ITPRID1: variants seen among roughly 807,000 people sequenced by gnomAD.
ITPRID1 encodes the protein ITPR interacting domain containing 1, also known as protein ITPRID1.
ITPRID1 carries 96 observed loss-of-function variants against 95.4 expected under a neutral mutation model. The ratio of observed to expected loss-of-function variants is 1.01; its 90% CI spans 0.85 to 1.19. The LOEUF (loss-of-function observed/expected upper bound fraction) is 1.19. ITPRID1 is among the 50% of genes most tolerant of loss of function. The pLI, the probability that ITPRID1 is intolerant of heterozygous loss-of-function variation, is 0.00. For synonymous variants in ITPRID1, 510 were observed against 453.6 expected, an observed-to-expected ratio of 1.12 and a Z score of -1.58; for missense variants, 1,339 against 1,252.9, an observed-to-expected ratio of 1.07 and a Z score of -1.04.
chr7:31,599,846 C>A (rs912553681), intron 10 of ITPRID1, among the ~76,000 whole-genome samples: 1 of 151,840 alleles, frequency 6.6e-6, no homozygotes, highest in Non-Finnish European at 1.5e-5. Context: ...CAGGCGCCTG[C>A]CACCACGCCC....
At chr7:31,521,792 G>C (rs1783269979) in intron 1 of ITPRID1, among the ~76,000 whole-genome samples, 1 of 145,592 alleles carries the variant, frequency 6.9e-6, no homozygotes, top group South Asian at 2.3e-4. Context: ...GGTGATCACA[G>C]CTCTCACTGC....
intron 10 of ITPRID1, among the ~76,000 whole-genome samples, chr7:31,593,924 G>C (rs575727382): frequency 6.6e-6 from 1 of 152,238 alleles, no homozygotes; most frequent in Non-Finnish European, 1.5e-5. Flanking sequence ...CTGAGACATA[G>C]AGTTGTTAAG....
chr7:31,624,663 A>G lies in ITPRID1; in HGVS notation c.1229-17513A>G, dbSNP rs552406504. On this transcript the variant is annotated intron_variant, in intron 10 of 14. Transcript: ENST00000615280. ...CTTAAACGTTAGACCTAAAACCATA[A>G]AAACCCTAGAAGAAAACCTAGGCAT... is the stretch of plus-strand genomic sequence containing the variant. Among the ~76,000 whole-genome samples, 298 of 150,630 alleles carry G rather than the reference A, an allele frequency of 2.0e-3. 1 individual carries two copies. The highest frequency in any genetic ancestry group is 6.9e-3 in the African/African-American group (283 of 41,178).
rs1332451516 is a variant in ITPRID1, at chr7:31,519,645, T to TATATATATATATAA, written c.-98+5526_-98+5527insTATATATATATAAA. ...CTATATATATATATATATATATATA[T>TATATATATATATAA]AAATCTTATGTTATCCTGCTGGTAT... On this transcript the variant is annotated intron_variant, in intron 1 of 14. Transcript: ENST00000615280. Among the ~76,000 whole-genome samples, 338 of 114,950 alleles carry TATATATATATATAA rather than the reference T, an allele frequency of 2.9e-3. 13 individuals are homozygous for TATATATATATATAA. The highest frequency in any genetic ancestry group is 8.0e-3 in the Admixed American group (78 of 9,694). The allele number at this position is 114,950 out of a possible 152,430, so 75.4% of individuals were successfully genotyped here.
At chr7:31,574,168 A>ATTT (rs34822604) in intron 7 of ITPRID1, among the ~76,000 whole-genome samples, 1 of 145,908 alleles carries the variant, frequency 6.9e-6, no homozygotes, top group African/African-American at 2.5e-5. Flanking sequence ...GTTTTGTGGG[A>ATTT]TTTTTTTTTT....
chr7:31,535,959 C>T (rs891407958), intron 1 of ITPRID1, among the ~76,000 whole-genome samples: 3 of 151,974 alleles, frequency 2.0e-5, no homozygotes, highest in East Asian at 1.9e-4. Context: ...TGGTGTGACT[C>T]AGTGTAGTGT....
chr7:31,615,190 C>G (rs1303402955), intron 10 of ITPRID1, among the ~76,000 whole-genome samples: 1 of 151,928 alleles, frequency 6.6e-6, no homozygotes, highest in Non-Finnish European at 1.5e-5. Context: ...AGATATTTTC[C>G]CATTTAGTCT....
intron 10 of ITPRID1, among the ~76,000 whole-genome samples, chr7:31,623,895 C>G (rs559798664): frequency 6.6e-6 from 1 of 151,836 alleles, no homozygotes; most frequent in East Asian, 1.9e-4. Context: ...CCAAAATCTC[C>G]TTAAGCTGAT....
intron 10 of ITPRID1, among the ~76,000 whole-genome samples, chr7:31,616,375 G>A (rs1396466807): frequency 6.6e-6 from 1 of 151,890 alleles, no homozygotes; most frequent in Non-Finnish European, 1.5e-5. Context: ...TTTTAAATGT[G>A]CAGGTCTTAG....
At chr7:31,583,278 C>T (rs1785472101) in intron 10 of ITPRID1, 87 bp downstream of exon 10, 2 of 867,322 alleles carry the variant, frequency 2.3e-6, no homozygotes, top group African/African-American at 1.7e-5. Flanking sequence ...ATGTACAGAG[C>T]TTAAATTATC....
chr7:31,578,186 C>G lies in ITPRID1; in HGVS notation c.922C>G (p.His308Asp). The G allele has an allele frequency of 6.2e-7, 1 of 1,613,726 alleles. No homozygotes were observed. The highest frequency in any genetic ancestry group is 1.7e-4 in the Middle Eastern group (1 of 6,060). ...AACCTCAATCAACCACAAGCAAAATCATTTGTCTCTGTCAGTAGAACATCA... is the reference window on the plus strand; with the variant it reads ...AACCTCAATCAACCACAAGCAAAATGATTTGTCTCTGTCAGTAGAACATCA... The part of the protein sequence containing the change: ...AATSINHKQN[H>D]LSLSVEHQSL... The change falls in exon 9 of 15, where the codon CAT becomes GAT. Residue 308 changes from histidine (H) to aspartate (D), a missense_variant. His to Asp is a moderately conservative substitution (Grantham distance 81). Transcript: ENST00000615280.
intron 10 of ITPRID1, among the ~76,000 whole-genome samples, chr7:31,604,515 G>A (rs975067384): frequency 5.3e-5 from 8 of 152,168 alleles, no homozygotes; most frequent in Non-Finnish European, 1.2e-4. Flanking sequence ...AAACCCTTCT[G>A]TTCTAAGGGA....
chr7:31,651,367 C>T (rs1377454004), intron 13 of ITPRID1, 98 bp downstream of exon 13: 6 of 1,354,204 alleles, frequency 4.4e-6, no homozygotes, highest in Admixed American at 5.2e-5. Flanking sequence ...TGGAGCAGAG[C>T]TAATGAGAAA....
chr7:31,612,819 C>G (rs1786936382), intron 10 of ITPRID1, among the ~76,000 whole-genome samples: 1 of 152,146 alleles, frequency 6.6e-6, no homozygotes, highest in African/African-American at 2.4e-5. Context: ...ATGAACACAG[C>G]CCTGCACATG....
rs766661684 is a variant in ITPRID1, at chr7:31,569,745, T to G, written c.257-13T>G. The stretch of plus-strand genomic sequence containing the variant: ...CGAAATAAAGTTCCCCTCTACTTTT[T>G]TTGTTGTTGCAGTTTCTTTGTATGA... On this transcript the variant is annotated splice_polypyrimidine_tract_variant and intron_variant, in intron 5 of 14. Coordinates refer to ENST00000615280, the MANE Select transcript of ITPRID1 (RefSeq NM_001257967.3). The G allele has an allele frequency of 3.8e-6, 6 of 1,572,050 alleles. No individual in the cohort carries two copies. Among genetic ancestry groups the G allele is most frequent in the South Asian group, 3.5e-5 (3 of 84,946 alleles).
intron 1 of ITPRID1, among the ~76,000 whole-genome samples, chr7:31,543,701 C>T (rs1265255933): frequency 6.6e-6 from 1 of 151,848 alleles, no homozygotes. Flanking sequence ...TGTTTTCTCC[C>T]ACTCTTTGGC....
rs531944229 is a variant in ITPRID1, at chr7:31,554,400, C to T, written c.164-75C>T. On this transcript the variant is annotated intron_variant, in intron 3 of 14. Transcript: ENST00000615280. ...TATGTGGGAAATAGTGACTGAGTGG[C>T]GGCTGAGTAAACAGGGTAGCATCCT... 2.8e-4 allele frequency: 430 copies of T among 1,542,898 alleles called. 1 individual carries two copies. The highest frequency in any genetic ancestry group is 3.2e-4 in the Non-Finnish European group (370 of 1,139,058).
chr7:31,581,968 G>C (rs766297909), intron 9 of ITPRID1, among the ~76,000 whole-genome samples: 1 of 152,164 alleles, frequency 6.6e-6, no homozygotes, highest in Non-Finnish European at 1.5e-5. Context: ...TTCTTGTTAT[G>C]GTTGAGCTAT....
At chr7:31,597,502 C>A (rs996006) in intron 10 of ITPRID1, among the ~76,000 whole-genome samples, 87,051 of 149,068 alleles carry the variant, frequency 0.58, 25,729 homozygotes, top group African/African-American at 0.66. Context: ...AAAAAAAAAA[C>A]CCCACAACAA....
Sources: gnomAD v4.1 joint callset for allele counts (sites outside exome capture counted in the v4.1 genomes callset) on GRCh38, gnomAD v4.1.1 for gene constraint, MANE v1.5 for transcripts, NCBI Gene and HGNC (gene_info 2026-07-23, HGNC 2026-07-21) for gene names.